TARP: variants seen among roughly 807,000 people sequenced by gnomAD.
chr7:38,268,035 A>T, the TARP span, among the ~76,000 whole-genome samples: 1 of 151,508 alleles, frequency 6.6e-6, no homozygotes, highest in East Asian at 1.9e-4. Flanking sequence ...TTAACGAATC[A>T]TTAAATAGCA....
chr7:38,261,421 G>A, the TARP span, among the ~76,000 whole-genome samples: 1,902 of 151,444 alleles, frequency 0.013, 25 homozygotes, highest in Non-Finnish European at 0.019. Flanking sequence ...TTTTAAGAGG[G>A]TTAAACAAGA....
chr7:38,260,562 C>T, the TARP span, among the ~76,000 whole-genome samples: 1 of 150,742 alleles, frequency 6.6e-6, no homozygotes, highest in African/African-American at 2.5e-5. Flanking sequence ...TCCTAAATGC[C>T]TCTAATTATG....
At chr7:38,270,417 C>T in the TARP span, among the ~76,000 whole-genome samples, 1 of 151,384 alleles carries the variant, frequency 6.6e-6, no homozygotes. Flanking sequence ...TTTGCCTTAC[C>T]TACCGTGTTA....
the TARP span, among the ~76,000 whole-genome samples, chr7:38,260,803 T>C: frequency 6.6e-6 from 1 of 151,734 alleles, no homozygotes; most frequent in South Asian, 2.1e-4. Context: ...AGAAGTGATG[T>C]GTCCGTGACT....
At chr7:38,267,797 A>G in the TARP span, among the ~76,000 whole-genome samples, 76 of 150,578 alleles carry the variant, frequency 5.0e-4, no homozygotes, top group Admixed American at 1.1e-3. Flanking sequence ...TCTAGTCAAT[A>G]TATTTTCCAA....
chr7:38,262,164 A>G, the TARP span: 551 of 1,610,898 alleles, frequency 3.4e-4, 2 homozygotes, highest in African/African-American at 6.3e-3. Context: ...AAAACACAAA[A>G]GCTTACCATT....
the TARP span, among the ~76,000 whole-genome samples, chr7:38,260,397 A>C: frequency 7.1e-6 from 1 of 141,622 alleles, no homozygotes; most frequent in Non-Finnish European, 1.5e-5. Flanking sequence ...CAGACAAGTC[A>C]GAATTCAGCT....
At chr7:38,265,502 C>G in the TARP span, 6 of 1,612,016 alleles carry the variant, frequency 3.7e-6, no homozygotes, top group Non-Finnish European at 5.1e-6. Flanking sequence ...ATGGTGTTCC[C>G]CTCCTGGGAT....
chr7:38,265,881 T>G, the TARP span, among the ~76,000 whole-genome samples: 1 of 151,502 alleles, frequency 6.6e-6, no homozygotes, highest in Non-Finnish European at 1.5e-5. Flanking sequence ...ATCAAGACAT[T>G]AAATAACTTG....
chr7:38,263,292 G>A, the TARP span, among the ~76,000 whole-genome samples: 1 of 151,934 alleles, frequency 6.6e-6, no homozygotes, highest in Non-Finnish European at 1.5e-5. Flanking sequence ...AGGAAATAAA[G>A]TTTAAAAAGT....
At chr7:38,272,217 A>G in the TARP span, among the ~76,000 whole-genome samples, 284 of 151,114 alleles carry the variant, frequency 1.9e-3, no homozygotes, top group African/African-American at 6.6e-3. Context: ...TCCTGAGTGT[A>G]TAAAGACCTT....
chr7:38,262,038 T>G, the TARP span: 1 of 760,300 alleles, frequency 1.3e-6, no homozygotes, highest in South Asian at 1.6e-5. Flanking sequence ...TCCTAGAAAA[T>G]GAGGGACTAA....
chr7:38,263,572 G>T, the TARP span, among the ~76,000 whole-genome samples: 2 of 151,364 alleles, frequency 1.3e-5, no homozygotes, highest in South Asian at 4.2e-4. Flanking sequence ...GGACTAGAAA[G>T]ACAGAGGCCA....
At chr7:38,268,939 C>A in the TARP span, among the ~76,000 whole-genome samples, 3,442 of 151,122 alleles carry the variant, frequency 0.023, 77 homozygotes, top group Non-Finnish European at 0.032. Context: ...GACAATGTGC[C>A]AAGTACTTAA....
the TARP span, among the ~76,000 whole-genome samples, chr7:38,264,579 G>T: frequency 6.9e-6 from 1 of 145,758 alleles, no homozygotes; most frequent in African/African-American, 2.5e-5. Flanking sequence ...CAACAAGAGT[G>T]AAACTCTGTC....
At chr7:38,260,844 C>T in the TARP span, among the ~76,000 whole-genome samples, 2 of 151,770 alleles carry the variant, frequency 1.3e-5, no homozygotes, top group Non-Finnish European at 2.9e-5. Context: ...GGTGGTACTG[C>T]CCTCCTTGCC....
chr7:38,270,916 C>T, the TARP span, among the ~76,000 whole-genome samples: 241 of 151,094 alleles, frequency 1.6e-3, 3 homozygotes, highest in East Asian at 0.037. Context: ...TTTTTCCAAT[C>T]TAGTAATAGA....
the TARP span, among the ~76,000 whole-genome samples, chr7:38,267,708 G>A: frequency 6.7e-6 from 1 of 150,348 alleles, no homozygotes; most frequent in Non-Finnish European, 1.5e-5. Context: ...CCACCATATA[G>A]TTTGCTTCTA....
the TARP span, among the ~76,000 whole-genome samples, chr7:38,268,661 C>G: frequency 1.3e-5 from 2 of 150,924 alleles, no homozygotes; most frequent in African/African-American, 4.9e-5. Context: ...CATAGAACAA[C>G]AAAAATAAAA....
Sources: allele counts gnomAD v4.1 joint callset (sites outside exome capture counted in the v4.1 genomes callset), GRCh38; gene constraint gnomAD v4.1.1; transcripts MANE v1.5.